The following LYZL4 variants were observed in gnomAD, a reference collection of about 807,000 sequenced individuals.
The protein encoded by LYZL4 is lysozyme-like protein 4.
LYZL4 carries 13 observed loss-of-function variants against 17.6 expected under a neutral mutation model. The observed-to-expected ratio is 0.74, with a 90% CI of 0.48 to 1.18. LYZL4 has a LOEUF of 1.18. Ranked by LOEUF, LYZL4 falls within the 50% of genes most tolerant of loss-of-function variation. The pLI is 0.00. For missense variants in LYZL4, 174 were observed against 188.2 expected, an observed-to-expected ratio of 0.92 and a Z score of 0.44; for synonymous variants, 64 against 67.7, an observed-to-expected ratio of 0.95 and a Z score of 0.27.
At chr3:42,366,905 G>A in the LYZL4 span, among the ~76,000 whole-genome samples, 7 of 152,210 alleles carry the variant, frequency 4.6e-5, no homozygotes, top group Non-Finnish European at 8.8e-5. Context: ...GTCTCCCCAT[G>A]AGACCTAGAC....
At chr3:42,362,685 C>T in the LYZL4 span, among the ~76,000 whole-genome samples, 1 of 152,144 alleles carries the variant, frequency 6.6e-6, no homozygotes, top group East Asian at 1.9e-4. Flanking sequence ...CCCAAAGGCC[C>T]CACCTCCTAA....
At chr3:42,390,289 C>T in the LYZL4 span, among the ~76,000 whole-genome samples, 87 of 152,268 alleles carry the variant, frequency 5.7e-4, 1 homozygote, top group South Asian at 0.018. Context: ...TTTTAATAAT[C>T]TGATGGACAA....
chr3:42,397,567 A>G (rs1460349252), intron 4 of LYZL4, among the ~76,000 whole-genome samples: 3 of 151,888 alleles, frequency 2.0e-5, no homozygotes, highest in African/African-American at 7.3e-5. Flanking sequence ...TCAGCCCCCA[A>G]CTCATTCCAT....
the LYZL4 span, among the ~76,000 whole-genome samples, chr3:42,375,588 T>C: frequency 2.0e-5 from 3 of 152,084 alleles, no homozygotes; most frequent in Non-Finnish European, 2.9e-5. Context: ...AAGACTGAAG[T>C]ACCCAGAGAG....
chr3:42,376,890 C>T, the LYZL4 span, among the ~76,000 whole-genome samples: 4 of 152,212 alleles, frequency 2.6e-5, no homozygotes, highest in Non-Finnish European at 5.9e-5. Flanking sequence ...AAAGTTTCTT[C>T]CTATATTAGT....
At chr3:42,368,722 A>G in the LYZL4 span, among the ~76,000 whole-genome samples, 3 of 152,292 alleles carry the variant, frequency 2.0e-5, no homozygotes, top group South Asian at 6.2e-4. Flanking sequence ...TGCTTTCTAG[A>G]AAGGTCTTCT....
Position 42,397,313 on chromosome 3 carries a change from G to A in LYZL4, c.393C>T (p.Cys131=), listed in dbSNP as rs1698568207. ...MGAWPTWSRY[C]QYSDTLARWL... is the part of the protein sequence containing the mutation. ...ACCGTGCCAGGGTATCGGAGTACTG[G>A]CAGTACCGGGACCAGGTGGGCCTGT... Residue 131 remains cysteine (C), a synonymous_variant, in exon 5 of 5, where the codon TGC becomes TGT. Transcript: ENST00000287748. The A allele has an allele frequency of 1.3e-6, 2 of 1,573,180 alleles. No homozygotes were observed. The highest frequency in any genetic ancestry group is 4.7e-5 in the East Asian group (2 of 42,306).
rs1018883506 is a variant in LYZL4, at chr3:42,404,218, G to A, written c.293-94C>T. On this transcript the variant is annotated intron_variant, in intron 3 of 4. Coordinates refer to ENST00000287748, the MANE Select transcript of LYZL4 (RefSeq NM_144634.4). Reference sequence around the variant, plus strand: ...AGGTACAGGGTACTCACATCAGAGAGTCTTCCAGTGAATTCCAAGAATAAA... The same window carrying A: ...AGGTACAGGGTACTCACATCAGAGAATCTTCCAGTGAATTCCAAGAATAAA... 26 of 675,718 alleles carry A rather than the reference G, an allele frequency of 3.8e-5. No individual in the cohort carries two copies. In the African/African-American group the frequency reaches 4.6e-4, roughly 12 times the overall value. 41.9% of individuals were successfully genotyped at this position (675,718 alleles called of 1,614,324 possible).
the LYZL4 span, among the ~76,000 whole-genome samples, chr3:42,366,233 C>T: frequency 6.6e-6 from 1 of 152,152 alleles, no homozygotes; most frequent in Non-Finnish European, 1.5e-5. Flanking sequence ...GAACTGCAGG[C>T]CCTCGTGTGT....
the LYZL4 span, among the ~76,000 whole-genome samples, chr3:42,363,697 G>C: frequency 1.3e-5 from 2 of 152,196 alleles, no homozygotes; most frequent in Non-Finnish European, 2.9e-5. Context: ...TGTCACAGAA[G>C]AATTGAGGTA....
chr3:42,393,732 T>A (rs530012649), downstream of LYZL4, among the ~76,000 whole-genome samples: 1 of 152,310 alleles, frequency 6.6e-6, no homozygotes, highest in African/African-American at 2.4e-5. Context: ...TCTGGAAATA[T>A]GGATTCAGTA....
intron 4 of LYZL4, among the ~76,000 whole-genome samples, chr3:42,398,596 T>C (rs201202769): frequency 6.6e-6 from 1 of 152,124 alleles, no homozygotes; most frequent in East Asian, 1.9e-4. Flanking sequence ...ATTTAAAAAA[T>C]ATAAACCTGA....
At chr3:42,380,060 G>A in the LYZL4 span, among the ~76,000 whole-genome samples, 1 of 152,182 alleles carries the variant, frequency 6.6e-6, no homozygotes, top group Non-Finnish European at 1.5e-5. Flanking sequence ...CTAGGAAGTG[G>A]GCCCTCATCG....
At chr3:42,361,521 A>G in the LYZL4 span, among the ~76,000 whole-genome samples, 825 of 152,252 alleles carry the variant, frequency 5.4e-3, 5 homozygotes, top group Non-Finnish European at 6.3e-3. Context: ...TCTTTTAAAG[A>G]AATAGACTTA....
chr3:42,378,939 A>G, the LYZL4 span, among the ~76,000 whole-genome samples: 1 of 152,160 alleles, frequency 6.6e-6, no homozygotes, highest in African/African-American at 2.4e-5. Flanking sequence ...GCACCTAGCA[A>G]GTTGCAAAGC....
At chr3:42,367,327 C>T in the LYZL4 span, among the ~76,000 whole-genome samples, 1 of 152,148 alleles carries the variant, frequency 6.6e-6, no homozygotes, top group South Asian at 2.1e-4. Flanking sequence ...TTGGGCCCCT[C>T]CAAGAAGCAA....
At chr3:42,401,059 G>A (rs1183060614) in intron 4 of LYZL4, among the ~76,000 whole-genome samples, 1 of 152,104 alleles carries the variant, frequency 6.6e-6, no homozygotes, top group Non-Finnish European at 1.5e-5. Context: ...AGTGAACAGA[G>A]ACAAGAAAAA....
At chr3:42,397,895 T>A (rs1415704910) in intron 4 of LYZL4, among the ~76,000 whole-genome samples, 2 of 152,204 alleles carry the variant, frequency 1.3e-5, no homozygotes, top group Non-Finnish European at 2.9e-5. Flanking sequence ...TCAAAGTGAT[T>A]CCCTTGTTCT....
chr3:42,382,753 A>G, the LYZL4 span, among the ~76,000 whole-genome samples: 15 of 151,924 alleles, frequency 9.9e-5, no homozygotes, highest in South Asian at 3.1e-3. Flanking sequence ...TTTTAGCTTA[A>G]AGGAATTTTT....
Sources: gnomAD v4.1 joint callset for allele counts (sites outside exome capture counted in the v4.1 genomes callset) on GRCh38, gnomAD v4.1.1 for gene constraint, MANE v1.5 for transcripts, NCBI Gene and HGNC (gene_info 2026-07-23, HGNC 2026-07-21) for gene names.